JMY: variants seen among roughly 807,000 people sequenced by gnomAD.
JMY encodes junction-mediating and -regulatory protein.
A neutral mutation model predicts 103.3 loss-of-function variants in JMY; 46 were observed. The observed-to-expected ratio is 0.45, with a 90% CI of 0.35 to 0.57. The LOEUF is 0.57. JMY is among the 20% of genes least tolerant of loss of function. JMY has a pLI of 0.00. For synonymous variants in JMY, 526 were observed against 489.3 expected, an observed-to-expected ratio of 1.07 and a Z score of -0.99; for missense variants, 1,238 against 1,255.2, an observed-to-expected ratio of 0.99 and a Z score of 0.21.
chr5:79,285,451 A>G lies in JMY; in HGVS notation c.1207-4670A>G, dbSNP rs1266217838. On this transcript the variant is annotated intron_variant, in intron 2 of 10. Transcript: ENST00000396137. ...TGCAGGGTGCAGTTTTTACCACTGT[A>G]TGCATCCACCGCATGCACACTGTGA... 4.6e-5 allele frequency among the ~76,000 whole-genome samples: 7 copies of G among 152,266 alleles called. No individual in the cohort carries two copies. In the East Asian group the frequency reaches 7.7e-4, roughly 17 times the overall value.
chr5:79,285,778 C>T (rs1187041262), intron 2 of JMY, among the ~76,000 whole-genome samples: 1 of 152,120 alleles, frequency 6.6e-6, no homozygotes, highest in East Asian at 1.9e-4. Flanking sequence ...TCCCCCTCAT[C>T]TTCTTCATGA....
chr5:79,267,577 TA>T (rs1745621229), intron 1 of JMY, among the ~76,000 whole-genome samples: 1 of 152,208 alleles, frequency 6.6e-6, no homozygotes, highest in African/African-American at 2.4e-5. Context: ...TTTTCCCTTT[TA>T]AAAAATATTT....
intron 1 of JMY, among the ~76,000 whole-genome samples, chr5:79,269,012 C>T (rs1184571507): frequency 6.6e-6 from 1 of 152,112 alleles, no homozygotes; most frequent in African/African-American, 2.4e-5. Context: ...AATGAAGTCC[C>T]ACTCACCAAT....
rs909516196 is a variant in JMY at position 79,326,192 on chromosome 5, TG to T, written c.*4591del. 3.3e-5 allele frequency: 5 copies of T among 152,126 alleles called. No individual in the cohort carries two copies. Among genetic ancestry groups the T allele is most frequent in the African/African-American group, 1.2e-4 (5 of 41,436 alleles). The allele number at this position is 152,126 out of a possible 1,614,324, so 9.4% of individuals were successfully genotyped here. Reference sequence around the variant, plus strand: ...AGGGGAAAGTTTTGTTTTTTGCTGGTGTTTTTTGTTGTTTTTAATTAGGCAC... The same window carrying T: ...AGGGGAAAGTTTTGTTTTTTGCTGGTTTTTTTGTTGTTTTTAATTAGGCAC... On this transcript the variant is annotated 3_prime_UTR_variant, in exon 11 of 11. Coordinates refer to ENST00000396137, the MANE Select transcript of JMY (RefSeq NM_152405.5).
At chr5:79,300,340 A>G (rs201931204) in intron 5 of JMY, 22 bp downstream of exon 5, 12 of 1,489,068 alleles carry the variant, frequency 8.1e-6, no homozygotes, top group Non-Finnish European at 1.1e-5. Flanking sequence ...ATTTAACCAC[A>G]TAAGTTCACC....
chr5:79,308,604 G>T (rs1289665225), intron 7 of JMY, among the ~76,000 whole-genome samples: 1 of 152,152 alleles, frequency 6.6e-6, no homozygotes, highest in Non-Finnish European at 1.5e-5. Context: ...GAATCAGCTT[G>T]TCAGTAGCCA....
At chr5:79,297,820 T>C (rs1746608714) in intron 4 of JMY, among the ~76,000 whole-genome samples, 2 of 152,172 alleles carry the variant, frequency 1.3e-5, no homozygotes. Context: ...AATCCACGTC[T>C]GGACTCTTGG....
intron 2 of JMY, among the ~76,000 whole-genome samples, chr5:79,286,549 A>G (rs1580355721): frequency 6.6e-6 from 1 of 152,044 alleles, no homozygotes; most frequent in East Asian, 1.9e-4. Context: ...AAGCTGAGGC[A>G]GGAGACTTGC....
intron 1 of JMY, among the ~76,000 whole-genome samples, chr5:79,259,581 C>T (rs539308841): frequency 3.9e-5 from 6 of 152,340 alleles, no homozygotes; most frequent in Admixed American, 2.0e-4. Context: ...TGTGGGCCAG[C>T]GCTGAGCTGC....
At chr5:79,242,212 G>A (rs1481748161) in intron 1 of JMY, among the ~76,000 whole-genome samples, 8 of 152,162 alleles carry the variant, frequency 5.3e-5, no homozygotes, top group Non-Finnish European at 1.2e-4. Context: ...ATAATAAATA[G>A]CCTGTTGAGT....
rs751355359 is a variant in JMY, at chr5:79,237,046, C to T, written c.396C>T (p.Gly132=). Residue 132 remains glycine (G), a synonymous_variant, in exon 1 of 11, where the codon GGC becomes GGT. Coordinates refer to ENST00000396137, the MANE Select transcript of JMY (RefSeq NM_152405.5). The part of the protein sequence containing the change: ...LLGDPRLRSP[G]SKGAESRLRS... Reference sequence around the variant, plus strand: ...GGGACCCGCGGCTGCGGAGTCCTGGCAGCAAAGGGGCGGAGAGTCGTCTTA... The same window carrying T: ...GGGACCCGCGGCTGCGGAGTCCTGGTAGCAAAGGGGCGGAGAGTCGTCTTA... The T allele has an allele frequency of 2.2e-5, 33 of 1,521,156 alleles. No individual in the cohort carries two copies. In the South Asian group the frequency reaches 3.3e-4, roughly 15 times the overall value. 94.2% of individuals were successfully genotyped at this position (1,521,156 alleles called of 1,614,324 possible). A position where few individuals can be genotyped will look rare whatever the true frequency, so the allele number is the denominator to read the frequency against.
intron 1 of JMY, among the ~76,000 whole-genome samples, chr5:79,270,441 AATAT>A (rs57209851): frequency 1.3e-5 from 1 of 76,518 alleles, no homozygotes; most frequent in Non-Finnish European, 2.6e-5. Flanking sequence ...AAATATTTAA[AATAT>A]ATATTTACAT....
chr5:79,290,418 A>G, intron 3 of JMY, 147 bp downstream of exon 3: 1 of 391,842 alleles, frequency 2.6e-6, no homozygotes, highest in Non-Finnish European at 4.4e-6. Flanking sequence ...AAATTAAGGC[A>G]CATCCTATCA....
At chr5:79,285,845 TC>T (rs1272138120) in intron 2 of JMY, among the ~76,000 whole-genome samples, 1 of 152,164 alleles carries the variant, frequency 6.6e-6, no homozygotes, top group Non-Finnish European at 1.5e-5. Flanking sequence ...AAGGTGGATT[TC>T]CCCCCTACTG....
chr5:79,268,596 T>C (rs985996251), intron 1 of JMY, among the ~76,000 whole-genome samples: 1 of 152,202 alleles, frequency 6.6e-6, no homozygotes, highest in Non-Finnish European at 1.5e-5. Flanking sequence ...CAAGCGATTC[T>C]TCTGCCTCAG....
intron 1 of JMY, among the ~76,000 whole-genome samples, chr5:79,272,610 C>G (rs1276534822): frequency 6.6e-6 from 1 of 152,114 alleles, no homozygotes; most frequent in Non-Finnish European, 1.5e-5. Context: ...AGGGATTAAA[C>G]CATACTTGGA....
chr5:79,258,419 T>A (rs1745321478), intron 1 of JMY, among the ~76,000 whole-genome samples: 1 of 150,592 alleles, frequency 6.6e-6, no homozygotes, highest in Admixed American at 6.7e-5. Flanking sequence ...TGGCCAGTGG[T>A]GCCTTTGCCT....
At chr5:79,246,621 G>A (rs567456893) in intron 1 of JMY, among the ~76,000 whole-genome samples, 7 of 152,216 alleles carry the variant, frequency 4.6e-5, no homozygotes, top group African/African-American at 1.7e-4. Flanking sequence ...AGTATCTCAC[G>A]CCTGTAATCC....
rs962300848 is a variant in JMY at position 79,326,544 on chromosome 5, A to C, written c.*4942A>C. 1 of 152,174 alleles carries C rather than the reference A, an allele frequency of 6.6e-6. No individual in the cohort carries two copies. Among genetic ancestry groups the C allele is most frequent in the East Asian group, 1.9e-4 (1 of 5,204 alleles). 9.4% of individuals were successfully genotyped at this position (152,174 alleles called of 1,614,324 possible). The stretch of plus-strand genomic sequence containing the variant: ...TTCTGAGTTCTTTAACTTTGACAGA[A>C]TCTCCATTGTTTCATTGAATTTCTC... On this transcript the variant is annotated 3_prime_UTR_variant, in exon 11 of 11. Transcript: ENST00000396137.
Sources: allele counts gnomAD v4.1 joint callset (sites outside exome capture counted in the v4.1 genomes callset), GRCh38; gene constraint gnomAD v4.1.1; transcripts MANE v1.5; gene names NCBI Gene and HGNC (gene_info 2026-07-23, HGNC 2026-07-21).